The following EPHA6 variants were observed in gnomAD, a reference collection of about 807,000 sequenced individuals.
EPHA6 encodes the protein ephrin type-A receptor 6.
Under a neutral mutation model 112.0 loss-of-function variants are expected in EPHA6, and 50 were observed. That is an observed-to-expected ratio of 0.45 (90% CI 0.36 to 0.56). The LOEUF is 0.56. EPHA6 is among the 20% of genes least tolerant of loss of function. The pLI, the probability that EPHA6 is intolerant of heterozygous loss-of-function variation, is 0.00. For synonymous variants in EPHA6, 529 were observed against 490.7 expected (o/e 1.08, Z -1.03); for missense variants, 1,280 against 1,417.4 (o/e 0.90, Z 1.56).
At chr3:97,045,925 A>T (rs2045489311) in intron 3 of EPHA6, among the ~76,000 whole-genome samples, 1 of 152,106 alleles carries the variant, frequency 6.6e-6, no homozygotes, top group African/African-American at 2.4e-5. Context: ...GAGTGTTGGA[A>T]GGTGGAAATA....
At chr3:97,640,936 G>A (rs891662020) in intron 14 of EPHA6, among the ~76,000 whole-genome samples, 2 of 152,158 alleles carry the variant, frequency 1.3e-5, no homozygotes, top group Admixed American at 6.5e-5. Flanking sequence ...TTGGAATAAA[G>A]AGGAGGAGAG....
At chr3:97,034,307 A>C (rs1446256116) in intron 3 of EPHA6, among the ~76,000 whole-genome samples, 1 of 151,942 alleles carries the variant, frequency 6.6e-6, no homozygotes. Context: ...ATGTGATGTT[A>C]ATGTGAACAG....
chr3:97,293,983 G>A (rs1042933048), intron 5 of EPHA6, among the ~76,000 whole-genome samples: 2 of 152,236 alleles, frequency 1.3e-5, no homozygotes, highest in Non-Finnish European at 2.9e-5. Context: ...CCCAGCTGGG[G>A]CACAACAGCA....
At chr3:96,860,686 A>T (rs906754346) in intron 1 of EPHA6, among the ~76,000 whole-genome samples, 34 of 152,214 alleles carry the variant, frequency 2.2e-4, no homozygotes, top group African/African-American at 7.9e-4. Context: ...TAAATGGGGC[A>T]CTTCTTTGTG....
At chr3:97,294,053 C>T (rs2080791860) in intron 5 of EPHA6, among the ~76,000 whole-genome samples, 1 of 152,198 alleles carries the variant, frequency 6.6e-6, no homozygotes, top group Non-Finnish European at 1.5e-5. Context: ...CAGGGGGAGG[C>T]CAGGGAGCAG....
chr3:97,470,944 T>G (rs1362285425), intron 7 of EPHA6, among the ~76,000 whole-genome samples: 1 of 151,730 alleles, frequency 6.6e-6, no homozygotes, highest in Non-Finnish European at 1.5e-5. Flanking sequence ...TGGTTCTTTT[T>G]AGGGACAAGT....
At chr3:97,271,885 A>G (rs1009997434) in intron 5 of EPHA6, among the ~76,000 whole-genome samples, 10 of 152,216 alleles carry the variant, frequency 6.6e-5, no homozygotes, top group Admixed American at 3.9e-4. Flanking sequence ...AGTTTAAACA[A>G]ACTACATCTA....
intron 2 of EPHA6, among the ~76,000 whole-genome samples, chr3:96,892,753 G>A (rs919173410): frequency 6.6e-6 from 1 of 151,496 alleles, no homozygotes; most frequent in Admixed American, 6.6e-5. Context: ...TTCTCTCATG[G>A]GATGAGATAA....
intron 14 of EPHA6, among the ~76,000 whole-genome samples, chr3:97,640,141 A>G (rs1156484212): frequency 6.6e-6 from 1 of 152,320 alleles, no homozygotes; most frequent in East Asian, 1.9e-4. Context: ...AAAAAGAACT[A>G]CAGAAGTACC....
rs1375258225 is a variant in EPHA6, at chr3:97,754,393, AT to A, written c.*5695del. 6.6e-6 allele frequency among the ~76,000 whole-genome samples: 1 copy of A among 152,088 alleles called. No homozygotes were observed. The highest frequency in any genetic ancestry group is 1.5e-5 in the Non-Finnish European group (1 of 68,000). On this transcript the variant is annotated 3_prime_UTR_variant, in exon 18 of 18. Transcript: ENST00000389672. ...GTGAGCCACTGTGCCCAGTGAGAAGATTTATAGCTTAATGGAAAGACTTGGA... is the reference window on the plus strand; with the variant it reads ...GTGAGCCACTGTGCCCAGTGAGAAGATTATAGCTTAATGGAAAGACTTGGA...
intron 12 of EPHA6, among the ~76,000 whole-genome samples, chr3:97,596,875 A>AAAATATATATATATATATAT (rs570033415): frequency 3.0e-5 from 3 of 100,408 alleles, no homozygotes; most frequent in African/African-American, 1.7e-4. Context: ...ATATCTATGG[A>AAAATATATATATATATATAT]ATATATATAT....
intron 2 of EPHA6, among the ~76,000 whole-genome samples, chr3:96,928,547 C>A (rs139308030): frequency 3.9e-4 from 59 of 152,146 alleles, no homozygotes; most frequent in Admixed American, 1.4e-3. Flanking sequence ...GATTGTGTGT[C>A]AATTTGAGAG....
intron 6 of EPHA6, among the ~76,000 whole-genome samples, chr3:97,445,428 A>T (rs1262896114): frequency 6.6e-6 from 1 of 152,182 alleles, no homozygotes; most frequent in Non-Finnish European, 1.5e-5. Context: ...TGTGCAAGTA[A>T]TAGTTCTTGG....
chr3:97,653,118 G>A (rs2094117746), intron 14 of EPHA6, among the ~76,000 whole-genome samples: 1 of 151,782 alleles, frequency 6.6e-6, no homozygotes, highest in African/African-American at 2.4e-5. Context: ...AGGTAGTGGG[G>A]ATAAAAGTGC....
chr3:97,538,692 G>A (rs2092795979), intron 11 of EPHA6, among the ~76,000 whole-genome samples: 1 of 151,996 alleles, frequency 6.6e-6, no homozygotes, highest in Admixed American at 6.6e-5. Flanking sequence ...GTGAGAGAGA[G>A]GTCAATAGAA....
intron 3 of EPHA6, among the ~76,000 whole-genome samples, chr3:97,102,333 T>C (rs2047428736): frequency 6.6e-6 from 1 of 152,066 alleles, no homozygotes; most frequent in African/African-American, 2.4e-5. Context: ...CAAAGCATTG[T>C]TCAGCTGAGT....
At chr3:97,435,236 T>C (rs951508089) in intron 6 of EPHA6, among the ~76,000 whole-genome samples, 6 of 152,172 alleles carry the variant, frequency 3.9e-5, no homozygotes, top group Non-Finnish European at 7.3e-5. Context: ...CTTCATAATA[T>C]TACATTATTT....
At chr3:97,095,397 C>CAT (rs2047205131) in intron 3 of EPHA6, among the ~76,000 whole-genome samples, 1 of 151,902 alleles carries the variant, frequency 6.6e-6, no homozygotes, top group Non-Finnish European at 1.5e-5. Flanking sequence ...CACATGTATA[C>CAT]ATATGTAACA....
intron 3 of EPHA6, among the ~76,000 whole-genome samples, chr3:97,217,680 T>C (rs1221968469): frequency 2.6e-5 from 4 of 152,188 alleles, no homozygotes; most frequent in African/African-American, 9.7e-5. Flanking sequence ...TATCCAATCA[T>C]ATGCTTTATT....
Sources: allele counts gnomAD v4.1 joint callset (sites outside exome capture counted in the v4.1 genomes callset), GRCh38; gene constraint gnomAD v4.1.1; transcripts MANE v1.5; gene names NCBI Gene and HGNC (gene_info 2026-07-23, HGNC 2026-07-21).